EYS: variants seen among roughly 807,000 people sequenced by gnomAD.
EYS encodes the protein protein eyes shut homolog.
A neutral mutation model predicts 282.1 loss-of-function variants in EYS; 250 were observed. That is an observed-to-expected ratio of 0.89 (90% CI 0.80 to 0.98). EYS has a LOEUF of 0.98. EYS is among the 50% of genes least tolerant of loss of function. The pLI is 0.00. For synonymous variants in EYS, 1,355 were observed against 1,282.9 expected (o/e 1.06, Z -1.20); for missense variants, 4,016 against 3,709.0 (o/e 1.08, Z -2.15).
chr6:64,616,079 ATTAT>A (rs943931507), intron 24 of EYS, among the ~76,000 whole-genome samples: 1 of 152,114 alleles, frequency 6.6e-6, no homozygotes, highest in African/African-American at 2.4e-5. Context: ...TTGGTAGTAA[ATTAT>A]TTGTTTTTAT....
At position 65,346,894 on chromosome 6, in the gene EYS, C is replaced by T. The variant is rs1207145669; in HGVS notation, c.1460-2717G>A. ...CTACTATACACATGATTCTACACTG[C>T]TGCATGCCTTTCTTTCACCTTATCA... On this transcript the variant is annotated intron_variant, in intron 9 of 42. Coordinates refer to ENST00000503581, the MANE Select transcript of EYS (RefSeq NM_001142800.2). Among the ~76,000 whole-genome samples the T allele has an allele frequency of 2.0e-5, 3 of 151,836 alleles. No homozygotes were observed. The Admixed American group carries it at 2.0e-4, about 10-fold the overall frequency.
chr6:65,309,482 A>T (rs1453935076), intron 11 of EYS, among the ~76,000 whole-genome samples: 1 of 152,170 alleles, frequency 6.6e-6, no homozygotes, highest in East Asian at 1.9e-4. Context: ...AGCATTATTC[A>T]TGTGCCTCTG....
chr6:64,481,376 A>T (rs1346001614), intron 26 of EYS, among the ~76,000 whole-genome samples: 1 of 150,264 alleles, frequency 6.7e-6, no homozygotes, highest in Non-Finnish European at 1.5e-5. Context: ...GGGTGTATCC[A>T]AGGTGATACA....
At chr6:65,555,783 G>T (rs1582450701) in intron 2 of EYS, among the ~76,000 whole-genome samples, 1 of 152,256 alleles carries the variant, frequency 6.6e-6, no homozygotes, top group Admixed American at 6.5e-5. Flanking sequence ...TATTAGACAT[G>T]TAAAATTTGA....
intron 19 of EYS, among the ~76,000 whole-genome samples, chr6:64,846,282 C>T (rs190340471): frequency 1.4e-3 from 219 of 152,242 alleles, no homozygotes; most frequent in African/African-American, 2.2e-3. Context: ...AATGTGTGTT[C>T]TGCAGGGAGA....
chr6:63,980,597 G>T (rs573556621), intron 35 of EYS, among the ~76,000 whole-genome samples: 1 of 151,780 alleles, frequency 6.6e-6, no homozygotes, highest in Non-Finnish European at 1.5e-5. Context: ...ATTTCATCAG[G>T]CCATCTTGTC....
intron 13 of EYS, among the ~76,000 whole-genome samples, chr6:65,021,214 C>A (rs916920139): frequency 1.3e-5 from 2 of 152,196 alleles, no homozygotes; most frequent in African/African-American, 2.4e-5. Flanking sequence ...CAGGCTGCTG[C>A]AAATTTTCCA....
At chr6:64,646,574 C>A (rs78386234) in intron 22 of EYS, among the ~76,000 whole-genome samples, 28,001 of 151,868 alleles carry the variant, frequency 0.18, 3,274 homozygotes, top group Admixed American at 0.29. Flanking sequence ...GAGGCTGAGG[C>A]GGGCAGATCA....
intron 26 of EYS, among the ~76,000 whole-genome samples, chr6:64,565,154 T>C (rs1765524338): frequency 6.6e-6 from 1 of 152,212 alleles, no homozygotes; most frequent in South Asian, 2.1e-4. Flanking sequence ...AACGTTTTAG[T>C]TTTATGTAAT....
rs1003454747 is a variant in EYS at position 64,018,823 on chromosome 6, G to A, written c.6726-19640C>T. ...AGAGTCTCACTCTGTTGCCCAGGCTGGAGTGCAATGGCACAGTCTCAGCTC... is the reference window on the plus strand; with the variant it reads ...AGAGTCTCACTCTGTTGCCCAGGCTAGAGTGCAATGGCACAGTCTCAGCTC... On this transcript the variant is annotated intron_variant, in intron 33 of 42. Coordinates refer to ENST00000503581, the MANE Select transcript of EYS (RefSeq NM_001142800.2). Among the ~76,000 whole-genome samples the A allele has an allele frequency of 2.3e-5, 3 of 128,468 alleles. No homozygotes were observed. In the Admixed American group the frequency reaches 3.0e-4, roughly 13 times the overall value. The allele number at this position is 128,468 out of a possible 152,430, so 84.3% of individuals were successfully genotyped here.
At chr6:64,598,750 G>A (rs1021327144) in intron 24 of EYS, among the ~76,000 whole-genome samples, 2 of 152,084 alleles carry the variant, frequency 1.3e-5, no homozygotes, top group African/African-American at 4.8e-5. Context: ...GATAGGCAAA[G>A]TTTCTCCATT....
In EYS at chr6:64,626,237, G is replaced by A; in HGVS notation, c.3452C>T (p.Pro1151Leu). The stretch of plus-strand genomic sequence containing the variant: ...TTCACAAAATTGACCAGAAAATCCA[G>A]GAAGACATCTAAGGAAAAAAAATGA... The part of the protein sequence containing the change: ...PGHTFDCRCL[P>L]GFSGQFCEIN... Residue 1151 changes from proline to leucine, a missense_variant, in exon 23 of 43, where the codon CCT becomes CTT. Transcript: ENST00000503581. 1 of 1,525,558 alleles carries A rather than the reference G, an allele frequency of 6.6e-7. No individual in the cohort carries two copies. The highest frequency in any genetic ancestry group is 1.3e-5 in the South Asian group (1 of 77,226). 94.5% of individuals were successfully genotyped at this position (1,525,558 alleles called of 1,614,324 possible).
intron 12 of EYS, among the ~76,000 whole-genome samples, chr6:65,087,754 A>T (rs1389068775): frequency 6.6e-6 from 1 of 152,206 alleles, no homozygotes; most frequent in Non-Finnish European, 1.5e-5. Flanking sequence ...ATAGGCTTCC[A>T]TTTGTGATTT....
At chr6:64,967,380 A>G (rs9354195) in intron 14 of EYS, among the ~76,000 whole-genome samples, 10,213 of 151,534 alleles carry the variant, frequency 0.067, 434 homozygotes, top group East Asian at 0.13. Context: ...GCTGGAGTGC[A>G]GTGGCATGAT....
At chr6:64,483,648 G>A (rs1406834764) in intron 26 of EYS, among the ~76,000 whole-genome samples, 2 of 151,546 alleles carry the variant, frequency 1.3e-5, no homozygotes, top group African/African-American at 4.8e-5. Flanking sequence ...AGGGAAGCCT[G>A]CCCCAATCTA....
At chr6:64,438,755 T>C (rs1486726471) in intron 27 of EYS, among the ~76,000 whole-genome samples, 1 of 151,710 alleles carries the variant, frequency 6.6e-6, no homozygotes, top group African/African-American at 2.4e-5. Flanking sequence ...TAAATTTTTC[T>C]CCGTATAGTA....
chr6:64,590,848 A>C lies in EYS; in HGVS notation c.5019T>G (p.Thr1673=). The C allele has an allele frequency of 6.4e-7, 1 of 1,550,738 alleles. No homozygotes were observed. The highest frequency in any genetic ancestry group is 8.7e-7 in the Non-Finnish European group (1 of 1,146,504). The change falls in exon 26 of 43, where the codon ACT becomes ACG. Residue 1673 remains threonine (T), a synonymous_variant. Transcript: ENST00000503581. ...KTCLSIVPSQ[T]ISSDLMNSDL... ...CAGAATTCATCAAGTCTGAAGAGAT[A>C]GTTTGTGAAGGGACAATGGATAAAC... is the stretch of plus-strand genomic sequence containing the variant.
intron 35 of EYS, among the ~76,000 whole-genome samples, chr6:63,868,003 T>A (rs7739796): frequency 1.3e-5 from 2 of 152,174 alleles, no homozygotes; most frequent in Admixed American, 1.3e-4. Context: ...TTTATTTCTG[T>A]TTTTGGGCTA....
chr6:65,507,236 A>G (rs1422790190), intron 2 of EYS, among the ~76,000 whole-genome samples: 1 of 152,114 alleles, frequency 6.6e-6, no homozygotes, highest in East Asian at 1.9e-4. Context: ...TGAAAGGTAT[A>G]TCATTGCACT....
Sources: allele counts gnomAD v4.1 joint callset (sites outside exome capture counted in the v4.1 genomes callset), GRCh38; gene constraint gnomAD v4.1.1; transcripts MANE v1.5; gene names NCBI Gene and HGNC (gene_info 2026-07-23, HGNC 2026-07-21).